Variants in SYT17 observed in about 807,000 individuals in gnomAD.
The protein encoded by SYT17 is synaptotagmin-17.
SYT17 carries 22 observed loss-of-function variants against 46.7 expected under a neutral mutation model. The observed-to-expected ratio is 0.47, with a 90% confidence interval of 0.34 to 0.67. SYT17 has a LOEUF of 0.67. Ranked by LOEUF, SYT17 falls within the 30% of genes least tolerant of loss-of-function variation. The pLI is 0.01. For synonymous variants in SYT17, 251 were observed against 248.4 expected (o/e 1.01, Z -0.10); for missense variants, 519 against 612.8 (o/e 0.85, Z 1.62).
At chr16:19,203,507 T>C (rs1567210760) in intron 5 of SYT17, among the ~76,000 whole-genome samples, 1 of 152,162 alleles carries the variant, frequency 6.6e-6, no homozygotes, top group Non-Finnish European at 1.5e-5. Context: ...GGTACAGAAG[T>C]GATTGGTCAA....
intron 6 of SYT17, among the ~76,000 whole-genome samples, chr16:19,223,747 T>C (rs544386574): frequency 1.3e-5 from 2 of 152,276 alleles, no homozygotes; most frequent in East Asian, 3.9e-4. Flanking sequence ...GTGCGGTAGC[T>C]AAAATAAATT....
At position 19,259,108 on chromosome 16, in the gene SYT17, G is replaced by A. The variant is rs752334864; in HGVS notation, c.1229-7772G>A. ...GTGTCCATGCATTGTCTGAAGAAGG[G>A]AACTGGACTTCTGGGTACTTGCCTG... is the stretch of plus-strand genomic sequence containing the variant. On this transcript the variant is annotated intron_variant, in intron 7 of 7. Transcript: ENST00000355377. 2.0e-5 allele frequency among the ~76,000 whole-genome samples: 3 copies of A among 152,308 alleles called. No homozygotes were observed. The South Asian group carries it at 6.2e-4, about 32-fold the overall frequency.
intron 5 of SYT17, among the ~76,000 whole-genome samples, chr16:19,212,752 A>G (rs1273848360): frequency 6.6e-6 from 1 of 152,212 alleles, no homozygotes; most frequent in East Asian, 1.9e-4. Context: ...CTAAATTTGG[A>G]TAAGGAAGAC....
chr16:19,221,422 A>T (rs1458861185), intron 5 of SYT17, among the ~76,000 whole-genome samples: 1 of 152,176 alleles, frequency 6.6e-6, no homozygotes, highest in Non-Finnish European at 1.5e-5. Context: ...CACATTTTTT[A>T]AAAATGTGGA....
At chr16:19,227,921 A>T (rs1171856186) in intron 7 of SYT17, among the ~76,000 whole-genome samples, 1 of 152,226 alleles carries the variant, frequency 6.6e-6, no homozygotes, top group Non-Finnish European at 1.5e-5. Context: ...GCTTTGGTTT[A>T]ATTAACAATG....
At chr16:19,169,140 G>A (rs1596875548) in intron 1 of SYT17, among the ~76,000 whole-genome samples, 2 of 152,252 alleles carry the variant, frequency 1.3e-5, no homozygotes, top group African/African-American at 4.8e-5. Context: ...TGGGCACTGG[G>A]TGCTGAGGGG....
intron 7 of SYT17, among the ~76,000 whole-genome samples, chr16:19,251,989 C>G (rs1166653059): frequency 1.3e-5 from 2 of 151,972 alleles, no homozygotes; most frequent in Non-Finnish European, 2.9e-5. Flanking sequence ...GCAGGCAGAT[C>G]ATTTGAGGTC....
chr16:19,175,884 A>G (rs1484460462), intron 3 of SYT17, among the ~76,000 whole-genome samples: 1 of 152,142 alleles, frequency 6.6e-6, no homozygotes, highest in Admixed American at 6.5e-5. Context: ...TTTTGTAGTT[A>G]TTTCTTAAGT....
chr16:19,249,804 C>G (rs1213032057), intron 7 of SYT17: 1 of 815,244 alleles, frequency 1.2e-6, no homozygotes, highest in Non-Finnish European at 1.8e-6. Flanking sequence ...GTTGGTGTTT[C>G]TGGCCATGCA....
intron 7 of SYT17, among the ~76,000 whole-genome samples, chr16:19,248,711 A>G (rs1967783269): frequency 6.6e-6 from 1 of 152,118 alleles, no homozygotes; most frequent in South Asian, 2.1e-4. Flanking sequence ...AATCCCAGGT[A>G]CTTTGGAGGC....
chr16:19,201,389 C>T (rs756304253), intron 5 of SYT17, among the ~76,000 whole-genome samples: 7 of 152,108 alleles, frequency 4.6e-5, no homozygotes, highest in Non-Finnish European at 7.4e-5. Context: ...CAAACCTTGT[C>T]GTCAGATAGA....
intron 7 of SYT17, among the ~76,000 whole-genome samples, chr16:19,238,839 C>T (rs548706337): frequency 2.0e-4 from 31 of 152,312 alleles, no homozygotes; most frequent in African/African-American, 7.2e-4. Flanking sequence ...CCAAGGCCAG[C>T]ACCTGGGTAG....
intron 5 of SYT17, among the ~76,000 whole-genome samples, chr16:19,202,689 CAA>C (rs1250895777): frequency 6.6e-6 from 1 of 152,156 alleles, no homozygotes; most frequent in African/African-American, 2.4e-5. Context: ...CATTAACATA[CAA>C]AAGACACTCT....
intron 7 of SYT17, among the ~76,000 whole-genome samples, chr16:19,235,648 A>G (rs1213039501): frequency 1.3e-5 from 2 of 152,242 alleles, no homozygotes; most frequent in Non-Finnish European, 2.9e-5. Context: ...GAAGACTTTG[A>G]AGCAACTATT....
At position 19,168,697 on chromosome 16, in the gene SYT17, G is replaced by A; in HGVS notation, c.15+36G>A. On this transcript the variant is annotated intron_variant, in intron 1 of 7. Coordinates refer to ENST00000355377, the MANE Select transcript of SYT17 (RefSeq NM_016524.4). The surrounding 1 kb of genome is among the most constrained non-coding windows in gnomAD (Gnocchi z 6.9). The stretch of plus-strand genomic sequence containing the variant: ...GGCTGGGGGCAAGGTCCGGGGTGCG[G>A]GTAGGGGGTGCCGCGCCCCCTCCGG... 2.1e-6 allele frequency: 3 copies of A among 1,460,170 alleles called. No homozygotes were observed. The highest frequency in any genetic ancestry group is 2.6e-5 in the Admixed American group (1 of 39,018). 90.5% of individuals were successfully genotyped at this position (1,460,170 alleles called of 1,614,324 possible).
chr16:19,179,695 C>T (rs1195605410), intron 3 of SYT17, among the ~76,000 whole-genome samples: 1 of 152,208 alleles, frequency 6.6e-6, no homozygotes, highest in African/African-American at 2.4e-5. Flanking sequence ...TGCCCCAGCA[C>T]CCAGCCAGGG....
chr16:19,202,734 T>A (rs1567210403), intron 5 of SYT17, among the ~76,000 whole-genome samples: 1 of 152,180 alleles, frequency 6.6e-6, no homozygotes, highest in African/African-American at 2.4e-5. Context: ...ATTTTATTTT[T>A]ATTTTCATTT....
At chr16:19,220,023 C>T (rs180887003) in intron 5 of SYT17, among the ~76,000 whole-genome samples, 9 of 152,212 alleles carry the variant, frequency 5.9e-5, no homozygotes, top group Admixed American at 1.3e-4. Flanking sequence ...CTAAAGACAC[C>T]GCATCTTCCA....
At chr16:19,176,521 C>G (rs1359301489) in intron 3 of SYT17, among the ~76,000 whole-genome samples, 3 of 152,178 alleles carry the variant, frequency 2.0e-5, no homozygotes, top group Admixed American at 6.5e-5. Context: ...CATTGTTATG[C>G]AGAAGCAGCT....
Sources: gnomAD v4.1 joint callset for allele counts (sites outside exome capture counted in the v4.1 genomes callset) on GRCh38, gnomAD v4.1.1 for gene constraint, Gnocchi (gnomAD v3.1) non-coding constraint, MANE v1.5 for transcripts, NCBI Gene and HGNC (gene_info 2026-07-23, HGNC 2026-07-21) for gene names.